The following LPP variants were observed in gnomAD, a reference collection of about 807,000 sequenced individuals.
LPP encodes LIM domain containing preferred translocation partner in lipoma, also known as lipoma-preferred partner.
LPP carries 38 observed loss-of-function variants against 60.4 expected under a neutral mutation model. The observed-to-expected ratio is 0.63, with a 90% CI of 0.49 to 0.83. LPP has a LOEUF of 0.83. LPP is among the 40% of genes least tolerant of loss of function. The pLI, the probability that LPP is intolerant of heterozygous loss-of-function variation, is 0.00. For synonymous variants in LPP, 328 were observed against 290.8 expected, an observed-to-expected ratio of 1.13 and a Z score of -1.30; for missense variants, 902 against 783.6, an observed-to-expected ratio of 1.15 and a Z score of -1.80.
At chr3:188,446,755 C>A (rs890666866) in intron 4 of LPP, among the ~76,000 whole-genome samples, 1 of 152,210 alleles carries the variant, frequency 6.6e-6, no homozygotes, top group African/African-American at 2.4e-5. Flanking sequence ...TTCAACATGG[C>A]AATGGAGTGA....
At chr3:188,355,100 C>T (rs1262199285) in intron 3 of LPP, among the ~76,000 whole-genome samples, 1 of 152,132 alleles carries the variant, frequency 6.6e-6, no homozygotes, top group Non-Finnish European at 1.5e-5. Context: ...TCTCCACCTC[C>T]TGGGTTCAAG....
intron 8 of LPP, among the ~76,000 whole-genome samples, chr3:188,735,348 G>A (rs760394887): frequency 6.6e-6 from 1 of 151,670 alleles, no homozygotes; most frequent in Non-Finnish European, 1.5e-5. Context: ...ACTGTATGTA[G>A]TGTAATATAA....
chr3:188,445,313 A>G (rs555657061), intron 4 of LPP, among the ~76,000 whole-genome samples: 1 of 152,238 alleles, frequency 6.6e-6, no homozygotes, highest in South Asian at 2.1e-4. Flanking sequence ...GCAGCCATAA[A>G]AAAGGATGAG....
chr3:188,197,099 A>G (rs898469628), intron 1 of LPP, among the ~76,000 whole-genome samples: 4 of 152,234 alleles, frequency 2.6e-5, no homozygotes, highest in African/African-American at 9.6e-5. Flanking sequence ...GCCAAATAAT[A>G]AATTGTATAG....
At chr3:188,207,159 C>T (rs1190154011) in intron 1 of LPP, among the ~76,000 whole-genome samples, 1 of 150,410 alleles carries the variant, frequency 6.6e-6, no homozygotes, top group Non-Finnish European at 1.5e-5. Flanking sequence ...GAGTTAACTT[C>T]TGTTTATTTC....
chr3:188,376,990 T>A (rs1273186781), intron 3 of LPP, among the ~76,000 whole-genome samples: 3 of 152,184 alleles, frequency 2.0e-5, no homozygotes, highest in African/African-American at 7.2e-5. Flanking sequence ...GATATGAAAT[T>A]CTGGGTTGAA....
chr3:188,670,169 G>A (rs1295364170), intron 7 of LPP, among the ~76,000 whole-genome samples: 1 of 152,120 alleles, frequency 6.6e-6, no homozygotes, highest in Non-Finnish European at 1.5e-5. Flanking sequence ...GAGTTAATGG[G>A]TGCAGCACAC....
intron 7 of LPP, among the ~76,000 whole-genome samples, chr3:188,627,277 T>A (rs1847017537): frequency 6.6e-6 from 1 of 152,156 alleles, no homozygotes; most frequent in Non-Finnish European, 1.5e-5. Context: ...GATGGCAAGA[T>A]CAAATGCTTA....
Position 188,609,056 on chromosome 3 carries a change from A to C in LPP, c.430-105A>C. ...TTATTTGTGTTCTACATAGTAATAA[A>C]TAATAATTAGCAGTTATTAATATTT... On this transcript the variant is annotated intron_variant, in intron 6 of 11. Transcript: ENST00000617246. This position sits in a 1 kb window ranked among gnomAD's most constrained non-coding sequence, Gnocchi z 6.9. 2 of 847,228 alleles carry C rather than the reference A, an allele frequency of 2.4e-6. No homozygotes were observed. The highest frequency in any genetic ancestry group is 3.6e-6 in the Non-Finnish European group (2 of 548,878). The allele number at this position is 847,228 out of a possible 1,614,324, so 52.5% of individuals were successfully genotyped here. A position where few individuals can be genotyped will look rare whatever the true frequency, so the allele number is the denominator to read the frequency against.
intron 7 of LPP, among the ~76,000 whole-genome samples, chr3:188,694,868 T>C (rs931208921): frequency 1.6e-4 from 24 of 152,218 alleles, no homozygotes; most frequent in African/African-American, 5.3e-4. Flanking sequence ...AAAGGTTCTT[T>C]TGATAGTTCA....
At chr3:188,262,984 G>GC (rs1734206346) in intron 2 of LPP, among the ~76,000 whole-genome samples, 2 of 148,180 alleles carry the variant, frequency 1.3e-5, no homozygotes, top group South Asian at 4.3e-4. Context: ...AAAGAGTGCA[G>GC]TTTTTTTTTT....
At chr3:188,812,770 TCTCC>T (rs1751377475) in intron 9 of LPP, among the ~76,000 whole-genome samples, 1 of 110,258 alleles carries the variant, frequency 9.1e-6, no homozygotes, top group Non-Finnish European at 1.8e-5. Context: ...ACTCTCTCAC[TCTCC>T]CTCTCTCTCT....
intron 2 of LPP, among the ~76,000 whole-genome samples, chr3:188,336,787 C>T (rs1761766248): frequency 6.6e-6 from 1 of 152,104 alleles, no homozygotes; most frequent in Non-Finnish European, 1.5e-5. Flanking sequence ...CAGATCAGCC[C>T]AGCCACTGCT....
chr3:188,385,310 T>C lies in LPP; in HGVS notation c.-9-20802T>C, dbSNP rs1777980419. Among the ~76,000 whole-genome samples, 4 of 152,184 alleles carry C rather than the reference T, an allele frequency of 2.6e-5. No individual in the cohort carries two copies. The South Asian group carries it at 6.2e-4, about 24-fold the overall frequency. On this transcript the variant is annotated intron_variant, in intron 3 of 11. Transcript: ENST00000617246. ...GGCAGATATTTCAGTTCTCTTTGCA[T>C]TAACACAGGACTTGTTGGATGATTG...
chr3:188,884,530 C>T lies in LPP; in HGVS notation c.*10051C>T. ...TGTGAGGAAGTTGGTGGGAAAAGGC[C>T]ACTGATAAGAACAAACAATGGGCAG... On this transcript the variant is annotated 3_prime_UTR_variant, in exon 12 of 12. Coordinates refer to ENST00000617246, the MANE Select transcript of LPP (RefSeq NM_001375462.1). The T allele has an allele frequency of 4.4e-6, 1 of 229,800 alleles. No homozygotes were observed. The highest frequency in any genetic ancestry group is 2.2e-5 in the African/African-American group (1 of 45,256). 14.2% of individuals were successfully genotyped at this position (229,800 alleles called of 1,614,324 possible). A position where few individuals can be genotyped will look rare whatever the true frequency, so the allele number is the denominator to read the frequency against.
intron 7 of LPP, among the ~76,000 whole-genome samples, chr3:188,666,176 T>G (rs1855756388): frequency 6.6e-6 from 1 of 152,266 alleles, no homozygotes; most frequent in African/African-American, 2.4e-5. Flanking sequence ...TGTAATGTTA[T>G]AAACTATTTA....
chr3:188,838,388 A>G (rs1398313510), intron 9 of LPP, among the ~76,000 whole-genome samples: 2 of 152,168 alleles, frequency 1.3e-5, no homozygotes, highest in Non-Finnish European at 2.9e-5. Flanking sequence ...TGATTCCCCA[A>G]AGGCTTTGGT....
At position 188,197,936 on chromosome 3, in the gene LPP, C is replaced by T. The variant is rs372823890; in HGVS notation, c.-189-27469C>T. ...AGCTTTGGATTTGGGTGGAAGGCCA[C>T]GGAGTTGGATTTGGATCTCGCCCCT... On this transcript the variant is annotated intron_variant, in intron 1 of 11. Transcript: ENST00000617246. Among the ~76,000 whole-genome samples, 17 of 152,178 alleles carry T rather than the reference C, an allele frequency of 1.1e-4. No individual in the cohort carries two copies. The East Asian group carries it at 1.7e-3, about 16-fold the overall frequency.
intron 3 of LPP, among the ~76,000 whole-genome samples, chr3:188,397,769 G>A (rs1487292036): frequency 2.0e-5 from 3 of 152,040 alleles, no homozygotes; most frequent in African/African-American, 7.2e-5. Context: ...GTGCACCTCT[G>A]TGCTCGGCTA....
Sources: allele counts gnomAD v4.1 joint callset (sites outside exome capture counted in the v4.1 genomes callset), GRCh38; gene constraint gnomAD v4.1.1; non-coding constraint Gnocchi (gnomAD v3.1); transcripts MANE v1.5; gene names NCBI Gene and HGNC (gene_info 2026-07-23, HGNC 2026-07-21).